The following TOGARAM2 variants were observed in gnomAD, a reference collection of about 807,000 sequenced individuals.
TOGARAM2 encodes TOG array regulator of axonemal microtubules protein 2.
A neutral mutation model predicts 93.3 loss-of-function variants in TOGARAM2; 85 were observed. The ratio of observed to expected loss-of-function variants is 0.91; its 90% confidence interval spans 0.76 to 1.09. The LOEUF (loss-of-function observed/expected upper bound fraction) is 1.09, where lower values mean the gene tolerates loss of function less well. TOGARAM2 is among the 50% of genes least tolerant of loss of function. The pLI, the probability that TOGARAM2 is intolerant of heterozygous loss-of-function variation, is 0.00. For missense variants in TOGARAM2, 1,277 were observed against 1,334.5 expected (o/e 0.96, Z 0.67); for synonymous variants, 593 against 552.8 (o/e 1.07, Z -1.02).
chr2:28,965,633 C>T (rs1671856344), intron 1 of TOGARAM2, among the ~76,000 whole-genome samples: 1 of 152,228 alleles, frequency 6.6e-6, no homozygotes, highest in Non-Finnish European at 1.5e-5. Context: ...GAATTGTACC[C>T]TCTTGTGCAC....
intron 1 of TOGARAM2, among the ~76,000 whole-genome samples, chr2:28,992,116 G>A (rs1672763104): frequency 6.6e-6 from 1 of 152,178 alleles, no homozygotes; most frequent in Admixed American, 6.5e-5. Context: ...TGTGCCTTGG[G>A]GGTCAGGTGC....
At chr2:28,976,712 G>T (rs147491765), upstream of TOGARAM2, among the ~76,000 whole-genome samples, 1 of 152,366 alleles carries the variant, frequency 6.6e-6, no homozygotes, top group Non-Finnish European at 1.5e-5. Context: ...TGCGATAAGA[G>T]GGGCTTGGCC....
intron 1 of TOGARAM2, among the ~76,000 whole-genome samples, chr2:28,966,453 A>G (rs1305513659): frequency 6.6e-6 from 1 of 151,718 alleles, no homozygotes; most frequent in African/African-American, 2.4e-5. Context: ...GCACACCACC[A>G]TGGCCAGCTA....
intron 1 of TOGARAM2, among the ~76,000 whole-genome samples, chr2:28,983,196 ATATTTTTTTT>A (rs1407072122): frequency 4.2e-4 from 20 of 48,156 alleles, no homozygotes; most frequent in South Asian, 3.5e-3. Context: ...ATATATATAT[ATATTTTTTTT>A]TTTTTTTTTT....
chr2:29,035,699 G>C lies in TOGARAM2; in HGVS notation c.2418+43G>C, dbSNP rs1252982357. On this transcript the variant is annotated intron_variant, in intron 17 of 19. Coordinates refer to ENST00000379558, the MANE Select transcript of TOGARAM2 (RefSeq NM_199280.4). ...TTACTCTCCCACCTGTCTCTCCTCT[G>C]GGGGGTGCAACTTGAAGTTTGAAAA... is the stretch of plus-strand genomic sequence containing the variant. 4 of 1,315,788 alleles carry C rather than the reference G, an allele frequency of 3.0e-6. No individual in the cohort carries two copies. In the South Asian group the frequency reaches 1.0e-4, roughly 33 times the overall value. 81.5% of individuals were successfully genotyped at this position (1,315,788 alleles called of 1,614,324 possible).
chr2:29,031,239 T>G (rs1665751583), intron 14 of TOGARAM2, among the ~76,000 whole-genome samples: 1 of 152,190 alleles, frequency 6.6e-6, no homozygotes, highest in African/African-American at 2.4e-5. Context: ...GTGTGATCAT[T>G]GCACACTACA....
intron 19 of TOGARAM2, 122 bp from the exon 20 acceptor site, chr2:29,051,634 C>T: frequency 2.9e-6 from 2 of 680,868 alleles, no homozygotes; most frequent in Non-Finnish European, 4.9e-6. Flanking sequence ...GTGTCATGAT[C>T]CTTAGTTGCT....
chr2:29,022,984 C>CG (rs1665060870), intron 11 of TOGARAM2, 102 bp from the exon 12 acceptor site: 1 of 926,652 alleles, frequency 1.1e-6, no homozygotes, highest in Non-Finnish European at 1.7e-6. Context: ...CTGCGGGTGA[C>CG]GGTGGACCGT....
chr2:28,983,198 A>ATATATATATATAT (rs1196223294), intron 1 of TOGARAM2, among the ~76,000 whole-genome samples: 1 of 56,622 alleles, frequency 1.8e-5, no homozygotes, highest in African/African-American at 8.3e-5. Context: ...ATATATATAT[A>ATATATATATATAT]TTTTTTTTTT....
intron 6 of TOGARAM2, among the ~76,000 whole-genome samples, chr2:29,009,939 A>G (rs1287119410): frequency 6.6e-6 from 1 of 152,010 alleles, no homozygotes; most frequent in African/African-American, 2.4e-5. Flanking sequence ...GGGTCGCTAG[A>G]GAAGGGGAGG....
At position 29,023,072 on chromosome 2, in the gene TOGARAM2, G is replaced by T; in HGVS notation, c.1512-14G>T. On this transcript the variant is annotated splice_polypyrimidine_tract_variant and intron_variant, in intron 11 of 19. Transcript: ENST00000379558. ...CTCCACCCTTCTGCAACAGGGCCTG[G>T]CCTTGCTTCTCAGGCAGATGAAGGA... 1 of 1,575,358 alleles carries T rather than the reference G, an allele frequency of 6.3e-7. No individual in the cohort carries two copies. The highest frequency in any genetic ancestry group is 8.6e-7 in the Non-Finnish European group (1 of 1,159,740).
At chr2:28,991,392 A>G (rs6547901) in intron 1 of TOGARAM2, among the ~76,000 whole-genome samples, 67,800 of 151,872 alleles carry the variant, frequency 0.45, 17,114 homozygotes, top group East Asian at 0.78. Context: ...AGTGGGGGCC[A>G]TGTTTTTGGT....
At position 29,022,199 on chromosome 2, in the gene TOGARAM2, T is replaced by A; in HGVS notation, c.1402T>A (p.Trp468Arg). Residue 468 changes from tryptophan (W) to arginine (R), a missense_variant, in exon 11 of 20, where the codon TGG becomes AGG. Physicochemically the swap from Trp to Arg is moderately radical, Grantham distance 101 (BLOSUM62 -3). Transcript: ENST00000379558. ...PAVLTLGSPE[W>R]EEEEEMDLRA... is the part of the protein sequence containing the mutation. ...GGTGCTCACGTTGGGGTCTCCTGAA[T>A]GGGAAGAAGAGGAGGAGATGGATCT... The A allele has an allele frequency of 1.2e-6, 2 of 1,613,994 alleles. No homozygotes were observed. Among genetic ancestry groups the A allele is most frequent in the Non-Finnish European group, 1.7e-6 (2 of 1,179,882 alleles).
intron 1 of TOGARAM2, among the ~76,000 whole-genome samples, chr2:28,983,177 A>AATAAAT (rs781160203): frequency 0.018 from 581 of 32,010 alleles, 4 homozygotes; most frequent in South Asian, 0.021. Context: ...TGTATATATA[A>AATAAAT]ATATATATAT....
At chr2:28,958,134 T>C (rs1190225168) in intron 1 of TOGARAM2, among the ~76,000 whole-genome samples, 2 of 152,084 alleles carry the variant, frequency 1.3e-5, no homozygotes, top group East Asian at 3.8e-4. Flanking sequence ...GTTCTAGAAA[T>C]TTGCAACTTG....
At position 28,998,198 on chromosome 2, in the gene TOGARAM2, T is replaced by C; in HGVS notation, c.84T>C (p.Ala28=). ...VYCGSIPRTS[A]GPRVLPPGSI... ...GCGGGAGCATCCCTCGGACCAGTGC[T>C]GGGCCCCGGGTGCTCCCGCCTGGAA... The change falls in exon 3 of 20, where the codon GCT becomes GCC. Residue 28 remains alanine, a synonymous_variant. Coordinates refer to ENST00000379558, the MANE Select transcript of TOGARAM2 (RefSeq NM_199280.4). The C allele has an allele frequency of 4.3e-6, 7 of 1,612,362 alleles. No individual in the cohort carries two copies. Among genetic ancestry groups the C allele is most frequent in the Non-Finnish European group, 5.9e-6 (7 of 1,179,336 alleles).
chr2:28,996,811 A>AAAAAAAAAAAAAAAAAAAAC (rs1311560822), intron 2 of TOGARAM2, among the ~76,000 whole-genome samples: 1 of 151,312 alleles, frequency 6.6e-6, no homozygotes, highest in Non-Finnish European at 1.5e-5. Context: ...AAAAAAAAAA[A>AAAAAAAAAAAAAAAAAAAAC]AAAAAAAAAA....
At chr2:29,000,845 T>G (rs890815905) in intron 4 of TOGARAM2, among the ~76,000 whole-genome samples, 1 of 152,210 alleles carries the variant, frequency 6.6e-6, no homozygotes, top group Non-Finnish European at 1.5e-5. Context: ...GGGGTTGGAA[T>G]GCCCGAGAAG....
chr2:28,975,554 C>T (rs2148227100), intron 1 of TOGARAM2, among the ~76,000 whole-genome samples: 1 of 152,212 alleles, frequency 6.6e-6, no homozygotes, highest in East Asian at 1.9e-4. Context: ...CAAATTGAAG[C>T]ATTTTTATGA....
Sources: allele counts gnomAD v4.1 joint callset (sites outside exome capture counted in the v4.1 genomes callset), GRCh38; gene constraint gnomAD v4.1.1; transcripts MANE v1.5; gene names NCBI Gene and HGNC (gene_info 2026-07-23, HGNC 2026-07-21).